Variants in SEMA6C observed in about 807,000 individuals in gnomAD.
SEMA6C encodes semaphorin-6C.
Under a neutral mutation model 72.9 loss-of-function variants are expected in SEMA6C, and 37 were observed. That is an observed-to-expected ratio of 0.51 (90% CI 0.39 to 0.67). SEMA6C has a LOEUF of 0.67. SEMA6C is among the 30% of genes least tolerant of loss of function. The pLI, the probability that SEMA6C is intolerant of heterozygous loss-of-function variation, is 0.00. For synonymous variants in SEMA6C, 578 were observed against 554.1 expected (o/e 1.04, Z -0.61); for missense variants, 1,189 against 1,263.6 (o/e 0.94, Z 0.89).
At position 151,133,364 on chromosome 1, in the gene SEMA6C, T is replaced by C. The variant is rs757126144; in HGVS notation, c.1913A>G (p.Lys638Arg). ...CGGGAGCCCCGGAGTCTCGATGTCCTTGCCCCGACGTCGGTGGGCGCGGCG... is the reference window on the plus strand; with the variant it reads ...CGGGAGCCCCGGAGTCTCGATGTCCCTGCCCCGACGTCGGTGGGCGCGGCG... ...ACRRAHRRRG[K>R]DIETPGLPRP... Residue 638 changes from lysine to arginine, a missense_variant, in exon 19 of 19, where the codon AAG becomes AGG. This residue lies in a region of SEMA6C where 721 missense variants were observed against 686.2 expected (regional missense o/e 1.05). Transcript: ENST00000368914. The surrounding 1 kb of genome is among the most constrained non-coding windows in gnomAD (Gnocchi z 5.9). 44 of 1,600,180 alleles carry C rather than the reference T, an allele frequency of 2.7e-5. No homozygotes were observed. The highest frequency in any genetic ancestry group is 3.7e-5 in the Non-Finnish European group (44 of 1,175,770).
chr1:151,138,130 C>T (rs1682218375), intron 8 of SEMA6C, 25 bp from the exon 9 acceptor site: 6 of 1,611,750 alleles, frequency 3.7e-6, no homozygotes, highest in Non-Finnish European at 5.1e-6. Flanking sequence ...GGAGTGGGGT[C>T]AGGGGAGGGC....
At chr1:151,140,219 T>C in intron 3 of SEMA6C, 129 bp from the exon 4 acceptor site, 1 of 713,126 alleles carries the variant, frequency 1.4e-6, no homozygotes, top group Non-Finnish European at 2.5e-6. Flanking sequence ...CTATTCTTAA[T>C]ACCAATAACA....
At chr1:151,139,357 C>G (rs1287806219) in intron 6 of SEMA6C, 68 bp downstream of exon 6, 2 of 1,329,438 alleles carry the variant, frequency 1.5e-6, no homozygotes, top group East Asian at 4.6e-5. Context: ...TAGTAGAGGA[C>G]CAGTTGGACA....
rs1255295991 is a variant in SEMA6C at position 151,133,275 on chromosome 1, A to G, written c.2002T>C (p.Ser668Pro). Residue 668 changes from serine to proline, a missense_variant, in exon 19 of 19, where the codon TCC (serine) becomes CCC (proline). By Grantham distance (74) the Ser-to-Pro change is moderately conservative. This residue lies in a region of SEMA6C where 721 missense variants were observed against 686.2 expected (regional missense o/e 1.05). Coordinates refer to ENST00000368914, the MANE Select transcript of SEMA6C (RefSeq NM_030913.6). This position sits in a 1 kb window ranked among gnomAD's most constrained non-coding sequence, Gnocchi z 5.9. ...HGGGPEPPPPSKDGDAVQTPQ... is the reference protein window; with the variant it reads ...HGGGPEPPPPPKDGDAVQTPQ... ...GTCTGCACCGCGTCCCCGTCCTTGG[A>G]GGGCGGCGGGGGCTCTGGGCCCCCA... The G allele has an allele frequency of 6.3e-7, 1 of 1,581,504 alleles. No individual in the cohort carries two copies. Among genetic ancestry groups the G allele is most frequent in the East Asian group, 2.3e-5 (1 of 43,360 alleles).
chr1:151,137,873 C>A (rs1682187471), intron 9 of SEMA6C, 74 bp from the exon 10 acceptor site: 1 of 1,579,660 alleles, frequency 6.3e-7, no homozygotes, highest in Non-Finnish European at 8.6e-7. Context: ...CCCCACACCG[C>A]TCTCCCCATT....
At position 151,136,798 on chromosome 1, in the gene SEMA6C, G is replaced by A. The variant is rs587701057; in HGVS notation, c.974+59C>T. On this transcript the variant is annotated intron_variant, in intron 11 of 18. Transcript: ENST00000368914. The stretch of plus-strand genomic sequence containing the variant: ...CCCATCAGTAGGCTGTGAAAGGGGA[G>A]TTTGGAGGCTGGTGAGGCAGGGGAC... 45 of 1,506,642 alleles carry A rather than the reference G, an allele frequency of 3.0e-5. No homozygotes were observed. In the African/African-American group the frequency reaches 5.6e-4, roughly 19 times the overall value. The allele number at this position is 1,506,642 out of a possible 1,614,324, so 93.3% of individuals were successfully genotyped here. A position where few individuals can be genotyped will look rare whatever the true frequency, so the allele number is the denominator to read the frequency against.
chr1:151,138,871 T>C (rs2101634083), intron 6 of SEMA6C, 140 bp from the exon 7 acceptor site: 2 of 669,872 alleles, frequency 3.0e-6, no homozygotes, highest in Non-Finnish European at 5.3e-6. Flanking sequence ...GGTGGGCAGG[T>C]TGCCTGAGTT....
In SEMA6C at chr1:151,133,323, G is replaced by T. The variant is rs771553771; in HGVS notation, c.1954C>A (p.Arg652Ser). ...CCACCGTGGAGCCGGGCCAAACTGC[G>T]GAGGGAGAGAGGGCGCGGGAGCCCC... ...TPGLPRPLSL[R>S]SLARLHGGGP... The change falls in exon 19 of 19, where the codon CGC (arginine) becomes AGC (serine). Residue 652 changes from arginine (R) to serine (S), a missense_variant. Coordinates refer to ENST00000368914, the MANE Select transcript of SEMA6C (RefSeq NM_030913.6). This position sits in a 1 kb window ranked among gnomAD's most constrained non-coding sequence, Gnocchi z 5.9. The T allele has an allele frequency of 1.9e-6, 3 of 1,593,584 alleles. No individual in the cohort carries two copies. Among genetic ancestry groups the T allele is most frequent in the Non-Finnish European group, 2.6e-6 (3 of 1,172,896 alleles).
Position 151,134,870 on chromosome 1 carries a change from C to T in SEMA6C, c.1586G>A (p.Cys529Tyr), listed in dbSNP as rs376893556. ...ACAGTATGGGTCCTGAGAAGCCAAA[C>T]AGCTCCTAGGGAAAACGGAGGTGTG... ...CARHGACQRS[C>Y]LASQDPYCGW... Residue 529 changes from cysteine (C) to tyrosine (Y), a missense_variant, in exon 16 of 19, where the codon TGT (cysteine) becomes TAT (tyrosine). Physicochemically the swap from Cys to Tyr is radical, Grantham distance 194. Transcript: ENST00000368914. The T allele has an allele frequency of 6.2e-7, 1 of 1,613,908 alleles. No homozygotes were observed. The highest frequency in any genetic ancestry group is 8.5e-7 in the Non-Finnish European group (1 of 1,179,782).
chr1:151,133,895 T>G lies in SEMA6C; in HGVS notation c.1760-378A>C. 2.2e-6 allele frequency: 3 copies of G among 1,357,564 alleles called. No individual in the cohort carries two copies. The highest frequency in any genetic ancestry group is 3.1e-6 in the Non-Finnish European group (3 of 972,652). 84.1% of individuals were successfully genotyped at this position (1,357,564 alleles called of 1,614,324 possible). On this transcript the variant is annotated intron_variant, in intron 18 of 18. Transcript: ENST00000368914. This position sits in a 1 kb window ranked among gnomAD's most constrained non-coding sequence, Gnocchi z 5.9. ...CACCAAACACCATTCAGTGAGGGGC[T>G]TAGAACGCTCCGAGAATCAGCAGCC...
At chr1:151,134,917 T>C in intron 15 of SEMA6C, 42 bp from the exon 16 acceptor site, 2 of 1,564,384 alleles carry the variant, frequency 1.3e-6, no homozygotes, top group Non-Finnish European at 1.8e-6. Flanking sequence ...CCCTTTCTAC[T>C]CCAGTCACTT....
Position 151,137,070 on chromosome 1 carries a change from T to C in SEMA6C, c.761A>G (p.Gln254Arg). ...SVEDARLGRV[Q>R]FSRVARVCKR... ...ACATACTCGGGCTACGCGGGAGAACTGCACCTAGGGGAGGAGAGTGGAGTA... is the reference window on the plus strand; with the variant it reads ...ACATACTCGGGCTACGCGGGAGAACCGCACCTAGGGGAGGAGAGTGGAGTA... The change falls in exon 11 of 19, where the codon CAG (glutamine) becomes CGG (arginine). Residue 254 changes from glutamine to arginine, a missense_variant. By Grantham distance (43) the Gln-to-Arg change is conservative. Transcript: ENST00000368914. 6.2e-7 allele frequency: 1 copy of C among 1,613,026 alleles called. No individual in the cohort carries two copies.
chr1:151,136,956 T>G lies in SEMA6C; in HGVS notation c.875A>C (p.Asp292Ala), dbSNP rs1682068728. 1 of 1,613,000 alleles carries G rather than the reference T, an allele frequency of 6.2e-7. No individual in the cohort carries two copies. Among genetic ancestry groups the G allele is most frequent in the African/African-American group, 1.3e-5 (1 of 74,552 alleles). Residue 292 changes from aspartate to alanine, a missense_variant, in exon 11 of 19, where the codon GAC becomes GCC. Transcript: ENST00000368914. ...KLRLNCSVPG[D>A]STFYFDVLQA... ...TAAAACATCAAAATAGAAAGTAGAG[T>G]CCCCAGGGACAGAGCAGTTGAGCCG...
chr1:151,138,485 T>C (rs1682249896), intron 7 of SEMA6C, 79 bp from the exon 8 acceptor site: 3 of 1,469,666 alleles, frequency 2.0e-6, no homozygotes, highest in South Asian at 1.2e-5. Flanking sequence ...TCCTGTCCCG[T>C]TGCCTCCTCC....
Position 151,132,060 on chromosome 1 carries a change from G to A in SEMA6C, c.*424C>T. ...CGAGTGAAGTCAGGCAGTGGCTGCA[G>A]ACACGGCTGTATTGGGAAGCGGAGG... On this transcript the variant is annotated 3_prime_UTR_variant, in exon 19 of 19. Coordinates refer to ENST00000368914, the MANE Select transcript of SEMA6C (RefSeq NM_030913.6). 2.0e-6 allele frequency: 1 copy of A among 511,026 alleles called. No individual in the cohort carries two copies. Among genetic ancestry groups the A allele is most frequent in the Non-Finnish European group, 3.0e-6 (1 of 333,536 alleles). 31.7% of individuals were successfully genotyped at this position (511,026 alleles called of 1,614,324 possible). A position where few individuals can be genotyped will look rare whatever the true frequency, so the allele number is the denominator to read the frequency against.
In SEMA6C at chr1:151,138,744, A is replaced by T; in HGVS notation, c.355-13T>A. ...TGTAGCACTCATCCTAGAGAACCCA[A>T]AATTCTAGGTCAGTGACAGAGGGTC... On this transcript the variant is annotated splice_polypyrimidine_tract_variant and intron_variant, in intron 6 of 18. Transcript: ENST00000368914. 1 of 1,595,998 alleles carries T rather than the reference A, an allele frequency of 6.3e-7. No individual in the cohort carries two copies. Among genetic ancestry groups the T allele is most frequent in the Non-Finnish European group, 8.6e-7 (1 of 1,163,562 alleles).
chr1:151,138,082 C>G lies in SEMA6C; in HGVS notation c.571G>C (p.Ala191Pro). 2 of 1,614,186 alleles carry G rather than the reference C, an allele frequency of 1.2e-6. No individual in the cohort carries two copies. The highest frequency in any genetic ancestry group is 1.7e-6 in the Non-Finnish European group (2 of 1,180,036). The change falls in exon 9 of 19, where the codon GCT (alanine) becomes CCT (proline). Residue 191 changes from alanine to proline, a missense_variant. Physicochemically the swap from Ala to Pro is conservative, Grantham distance 27. Around this residue, in one of 2 missense-constraint regions of SEMA6C, gnomAD observed 468 missense variants for 577.4 expected, o/e 0.81. Transcript: ENST00000368914. ...FAEGSLYSAT[A>P]ADFQASDAVV... ...GCATCACTGGCCTGGAAATCCGCAG[C>G]TGTGGCTGAGTACAGGCTGCCCTCT...
At chr1:151,137,905 C>A in intron 9 of SEMA6C, 81 bp downstream of exon 9, 1 of 1,587,260 alleles carries the variant, frequency 6.3e-7, no homozygotes, top group Admixed American at 1.7e-5. Context: ...CACTACCACA[C>A]CATTTGCCTG....
chr1:151,133,275 A>T lies in SEMA6C; in HGVS notation c.2002T>A (p.Ser668Thr), dbSNP rs1255295991. ...GTCTGCACCGCGTCCCCGTCCTTGGAGGGCGGCGGGGGCTCTGGGCCCCCA... is the reference window on the plus strand; with the variant it reads ...GTCTGCACCGCGTCCCCGTCCTTGGTGGGCGGCGGGGGCTCTGGGCCCCCA... ...HGGGPEPPPP[S>T]KDGDAVQTPQ... Residue 668 changes from serine to threonine, a missense_variant, in exon 19 of 19, where the codon TCC becomes ACC. Ser to Thr is a moderately conservative substitution (Grantham distance 58). This residue lies in a region of SEMA6C where 721 missense variants were observed against 686.2 expected (regional missense o/e 1.05). Transcript: ENST00000368914. The surrounding 1 kb of genome is among the most constrained non-coding windows in gnomAD (Gnocchi z 5.9). The T allele has an allele frequency of 6.3e-7, 1 of 1,581,506 alleles. No homozygotes were observed. Among genetic ancestry groups the T allele is most frequent in the South Asian group, 1.1e-5 (1 of 88,678 alleles).
Sources: allele counts gnomAD v4.1 joint callset, GRCh38; gene constraint gnomAD v4.1.1; regional missense constraint gnomAD v4.1.1; non-coding constraint Gnocchi (gnomAD v3.1); transcripts MANE v1.5; gene names NCBI Gene and HGNC (gene_info 2026-07-23, HGNC 2026-07-21).